MED13L: variants seen among roughly 807,000 people sequenced by gnomAD.
MED13L encodes mediator of RNA polymerase II transcription subunit 13-like.
Under a neutral mutation model 220.9 loss-of-function variants are expected in MED13L, and 7 were observed. The observed-to-expected ratio is 0.03, with a 90% CI of 0.02 to 0.06. The LOEUF (loss-of-function observed/expected upper bound fraction) is 0.06, where lower values mean the gene tolerates loss of function less well. Ranked by LOEUF, MED13L falls within the 10% of genes least tolerant of loss-of-function variation. MED13L has a pLI of 1.00. For missense variants in MED13L, 1,965 were observed against 2,760.5 expected, an observed-to-expected ratio of 0.71 and a Z score of 6.46; for synonymous variants, 1,011 against 1,015.2, an observed-to-expected ratio of 1.00 and a Z score of 0.08.
At chr12:116,205,064 T>C (rs1404940353) in intron 2 of MED13L, among the ~76,000 whole-genome samples, 4 of 152,142 alleles carry the variant, frequency 2.6e-5, no homozygotes, top group Non-Finnish European at 4.4e-5. Context: ...CAACTACTCA[T>C]GTGGCTTGCC....
chr12:116,024,710 G>C (rs1197579564), intron 4 of MED13L, among the ~76,000 whole-genome samples: 1 of 135,496 alleles, frequency 7.4e-6, no homozygotes, highest in Non-Finnish European at 1.5e-5. Context: ...CCAGATCAAT[G>C]AATGTGAAGA....
At chr12:116,100,833 G>C (rs1162965168) in intron 3 of MED13L, among the ~76,000 whole-genome samples, 1 of 152,018 alleles carries the variant, frequency 6.6e-6, no homozygotes, top group African/African-American at 2.4e-5. Context: ...CAGATCACTG[G>C]AGCCCAGGAG....
chr12:116,025,691 A>G (rs1310191781), intron 4 of MED13L, among the ~76,000 whole-genome samples: 1 of 152,202 alleles, frequency 6.6e-6, no homozygotes, highest in African/African-American at 2.4e-5. Context: ...TCATATAAGT[A>G]GAGAACAGAA....
intron 1 of MED13L, among the ~76,000 whole-genome samples, chr12:116,239,400 T>G (rs1476989929): frequency 6.6e-6 from 1 of 152,200 alleles, no homozygotes; most frequent in Non-Finnish European, 1.5e-5. Flanking sequence ...TAATAATCAC[T>G]AGCATCCTAC....
chr12:116,272,093 T>G (rs545213593), intron 1 of MED13L, among the ~76,000 whole-genome samples: 2 of 152,320 alleles, frequency 1.3e-5, no homozygotes, highest in East Asian at 3.9e-4. Flanking sequence ...TGTTGTCTGT[T>G]TCTCTATAAA....
intron 1 of MED13L, among the ~76,000 whole-genome samples, chr12:116,246,166 T>C (rs1871079252): frequency 6.6e-6 from 1 of 151,886 alleles, no homozygotes; most frequent in South Asian, 2.1e-4. Context: ...AGCCTAAACT[T>C]TCTATCAAAT....
In MED13L at chr12:115,983,371, A is replaced by T. The variant is rs762299749; in HGVS notation, c.4701T>A (p.Asn1567Lys). The T allele has an allele frequency of 6.2e-7, 1 of 1,614,190 alleles. No homozygotes were observed. The change falls in exon 21 of 31, where the codon AAT becomes AAA. Residue 1567 changes from asparagine to lysine, a missense_variant. This residue lies in a region of MED13L where 510 missense variants were observed against 620.4 expected (regional missense o/e 0.82). Transcript: ENST00000281928. ...PAGSAFNPTS[N>K]SSSTNPAASS... ...TTGCTGCAGGATTTGTAGAACTACT[A>T]TTCGAGGTGGGATTAAATGCACTGC...
At chr12:116,259,250 C>T (rs556778491) in intron 1 of MED13L, among the ~76,000 whole-genome samples, 2 of 151,968 alleles carry the variant, frequency 1.3e-5, no homozygotes, top group South Asian at 4.1e-4. Context: ...CAATGTTAAG[C>T]GGAAAAAGCA....
chr12:115,990,897 T>A, intron 17 of MED13L, 123 bp downstream of exon 17: 3 of 1,013,040 alleles, frequency 3.0e-6, no homozygotes, highest in Non-Finnish European at 3.0e-6. Flanking sequence ...TCACTTTAGG[T>A]TCTTTTTTTT....
intron 4 of MED13L, among the ~76,000 whole-genome samples, chr12:116,093,083 A>C (rs531584331): frequency 1.6e-4 from 25 of 152,344 alleles, no homozygotes; most frequent in African/African-American, 6.0e-4. Context: ...GATTGAGATT[A>C]AATTAGAAAA....
At chr12:116,031,561 C>T (rs942462757) in intron 4 of MED13L, among the ~76,000 whole-genome samples, 1 of 130,656 alleles carries the variant, frequency 7.7e-6, no homozygotes, top group Admixed American at 9.0e-5. Flanking sequence ...CACTGCACTC[C>T]AGCCTGGGCA....
At chr12:116,203,454 AAAC>A (rs1361370171) in intron 2 of MED13L, among the ~76,000 whole-genome samples, 4 of 152,102 alleles carry the variant, frequency 2.6e-5, no homozygotes, top group African/African-American at 9.6e-5. Flanking sequence ...AAAAATAAAA[AAAC>A]AGTCCAGTGC....
intron 2 of MED13L, among the ~76,000 whole-genome samples, chr12:116,204,106 T>A (rs1348505126): frequency 6.6e-6 from 1 of 152,194 alleles, no homozygotes; most frequent in Non-Finnish European, 1.5e-5. Flanking sequence ...CTTCCAAAAG[T>A]CAACCTAACT....
intron 2 of MED13L, among the ~76,000 whole-genome samples, chr12:116,202,776 C>T (rs1192541029): frequency 6.6e-6 from 1 of 152,154 alleles, no homozygotes; most frequent in Non-Finnish European, 1.5e-5. Context: ...GTCAGCGTCT[C>T]CCCACAGATT....
intron 1 of MED13L, among the ~76,000 whole-genome samples, chr12:116,271,916 C>T (rs1873394224): frequency 1.3e-5 from 2 of 152,014 alleles, no homozygotes; most frequent in Admixed American, 6.5e-5. Flanking sequence ...CACACACACA[C>T]ACAAATCAGT....
intron 2 of MED13L, among the ~76,000 whole-genome samples, chr12:116,173,483 T>A (rs1239889491): frequency 6.6e-6 from 1 of 152,216 alleles, no homozygotes; most frequent in Non-Finnish European, 1.5e-5. Flanking sequence ...GATGACAGTA[T>A]ATAAATCAAT....
intron 2 of MED13L, among the ~76,000 whole-genome samples, chr12:116,155,433 G>C (rs1166876977): frequency 6.6e-6 from 1 of 151,946 alleles, no homozygotes; most frequent in Non-Finnish European, 1.5e-5. Flanking sequence ...AAAAAACGAC[G>C]TTCTCTTTAA....
At chr12:116,022,388 T>C in intron 5 of MED13L, 68 bp downstream of exon 5, 1 of 1,591,826 alleles carries the variant, frequency 6.3e-7, no homozygotes, top group Non-Finnish European at 8.6e-7. Flanking sequence ...CCTGCAAAAC[T>C]TTACTGGGCA....
intron 2 of MED13L, among the ~76,000 whole-genome samples, chr12:116,123,847 A>G (rs1033740484): frequency 2.0e-5 from 3 of 152,144 alleles, no homozygotes; most frequent in African/African-American, 7.2e-5. Context: ...GACCGAGAGA[A>G]CATGGAAACA....
Sources: allele counts gnomAD v4.1 joint callset (sites outside exome capture counted in the v4.1 genomes callset), GRCh38; gene constraint gnomAD v4.1.1; regional missense constraint gnomAD v4.1.1; transcripts MANE v1.5; gene names NCBI Gene and HGNC (gene_info 2026-07-23, HGNC 2026-07-21).